The following PTPRD variants were observed in gnomAD, a reference collection of about 807,000 sequenced individuals.
PTPRD encodes receptor-type tyrosine-protein phosphatase delta.
A neutral mutation model predicts 214.5 loss-of-function variants in PTPRD; 34 were observed. That is an observed-to-expected ratio of 0.16 (90% confidence interval 0.12 to 0.21). The LOEUF (loss-of-function observed/expected upper bound fraction) is 0.21. PTPRD is among the 10% of genes least tolerant of loss of function. The pLI is 1.00. For synonymous variants in PTPRD, 1,128 were observed against 845.7 expected (o/e 1.33, Z -5.79); for missense variants, 2,545 against 2,398.7 (o/e 1.06, Z -1.27).
At chr9:10,496,759 G>T (rs912099735) in intron 2 of PTPRD, among the ~76,000 whole-genome samples, 1 of 151,990 alleles carries the variant, frequency 6.6e-6, no homozygotes, top group East Asian at 1.9e-4. Flanking sequence ...ATCTTCTTTT[G>T]AGAGGTGTGT....
rs111536701 is a variant in PTPRD, at chr9:9,070,533, G to C, written c.-142-51798C>G. ...TCAAGGGCACATTCCTTCACATTTT[G>C]CCCATTTGAAAAAAGGGGACAAAAC... On this transcript the variant is annotated intron_variant, in intron 10 of 45. Transcript: ENST00000381196. 7.3e-3 allele frequency among the ~76,000 whole-genome samples: 1,113 copies of C among 152,022 alleles called. 12 individuals carry two copies. The highest frequency in any genetic ancestry group is 0.025 in the African/African-American group (1,049 of 41,480).
chr9:8,814,459 A>C (rs908786938), intron 11 of PTPRD, among the ~76,000 whole-genome samples: 9 of 152,194 alleles, frequency 5.9e-5, no homozygotes, highest in Non-Finnish European at 1.3e-4. Context: ...GCAAACCTGA[A>C]GCTGAGACCA....
At chr9:9,208,216 G>A (rs1016464115) in intron 9 of PTPRD, among the ~76,000 whole-genome samples, 2 of 151,144 alleles carry the variant, frequency 1.3e-5, no homozygotes, top group Non-Finnish European at 2.9e-5. Flanking sequence ...GGGTTTCACC[G>A]TGTAAGCCAG....
chr9:10,354,353 A>T (rs919142102), intron 2 of PTPRD, among the ~76,000 whole-genome samples: 1 of 152,144 alleles, frequency 6.6e-6, no homozygotes, highest in East Asian at 1.9e-4. Flanking sequence ...AGCAAAATAC[A>T]TTTAGGATTT....
chr9:9,059,035 TA>T (rs1183499952), intron 10 of PTPRD, among the ~76,000 whole-genome samples: 1 of 151,852 alleles, frequency 6.6e-6, no homozygotes, highest in African/African-American at 2.4e-5. Context: ...GTCTTATACT[TA>T]GGGAGAAGAG....
At chr9:9,898,328 A>C (rs2075560288) in intron 5 of PTPRD, among the ~76,000 whole-genome samples, 1 of 152,094 alleles carries the variant, frequency 6.6e-6, no homozygotes, top group African/African-American at 2.4e-5. Context: ...CTATTTAATG[A>C]AGGAGATAGA....
At chr9:8,935,856 T>C (rs545688963) in intron 11 of PTPRD, among the ~76,000 whole-genome samples, 2 of 152,344 alleles carry the variant, frequency 1.3e-5, no homozygotes, top group South Asian at 2.1e-4. Context: ...TACAGTTTCC[T>C]TTTGGGGTTA....
At chr9:9,583,044 G>A (rs1268344590) in intron 7 of PTPRD, among the ~76,000 whole-genome samples, 1 of 151,988 alleles carries the variant, frequency 6.6e-6, no homozygotes, top group Non-Finnish European at 1.5e-5. Flanking sequence ...AAATAGTATA[G>A]GCTGGAATTT....
chr9:10,455,697 A>G (rs1252383704), intron 2 of PTPRD, among the ~76,000 whole-genome samples: 1 of 151,744 alleles, frequency 6.6e-6, no homozygotes, highest in African/African-American at 2.4e-5. Flanking sequence ...AACCAATACA[A>G]TATGTTCTCC....
intron 8 of PTPRD, among the ~76,000 whole-genome samples, chr9:9,523,027 A>T (rs1029271581): frequency 2.6e-5 from 4 of 152,216 alleles, no homozygotes; most frequent in Admixed American, 2.6e-4. Context: ...CACTATTTTT[A>T]AAAAGTGACC....
At chr9:10,327,132 GAT>G (rs1381158083) in intron 3 of PTPRD, among the ~76,000 whole-genome samples, 2 of 145,990 alleles carry the variant, frequency 1.4e-5, no homozygotes, top group South Asian at 2.1e-4. Context: ...ATATATTACA[GAT>G]ATATATGTGT....
chr9:8,541,999 C>A (rs888694384), intron 14 of PTPRD, among the ~76,000 whole-genome samples: 1 of 151,922 alleles, frequency 6.6e-6, no homozygotes, highest in Admixed American at 6.6e-5. Context: ...AATGAAATCC[C>A]TTATCTTTTG....
At chr9:9,502,951 T>C (rs1043591937) in intron 8 of PTPRD, among the ~76,000 whole-genome samples, 2 of 151,880 alleles carry the variant, frequency 1.3e-5, no homozygotes, top group Admixed American at 6.6e-5. Context: ...GGAGTTAAAG[T>C]AATCTTTCTC....
chr9:10,063,664 C>T (rs417131), intron 3 of PTPRD, among the ~76,000 whole-genome samples: 2 of 151,796 alleles, frequency 1.3e-5, no homozygotes, highest in African/African-American at 2.4e-5. Context: ...CAAATATACA[C>T]AATTTGGTAA....
chr9:9,251,197 G>C (rs930983989), intron 9 of PTPRD, among the ~76,000 whole-genome samples: 15 of 152,032 alleles, frequency 9.9e-5, no homozygotes, highest in Non-Finnish European at 1.6e-4. Context: ...CCAGGGTTGA[G>C]GTTCCATTTT....
chr9:9,582,092 T>C (rs1167440876), intron 7 of PTPRD, among the ~76,000 whole-genome samples: 2 of 152,158 alleles, frequency 1.3e-5, no homozygotes, highest in Non-Finnish European at 2.9e-5. Context: ...AAGTTTTATA[T>C]AAGTTTGAGT....
chr9:8,389,495 C>T (rs956066064), intron 36 of PTPRD, 88 bp from the exon 37 acceptor site: 1 of 960,906 alleles, frequency 1.0e-6, no homozygotes, highest in East Asian at 2.6e-5. Context: ...TGCTATCTTA[C>T]TGTTCCACCT....
chr9:10,431,796 G>C (rs1052452510), intron 2 of PTPRD, among the ~76,000 whole-genome samples: 14 of 152,202 alleles, frequency 9.2e-5, no homozygotes, highest in Admixed American at 3.3e-4. Flanking sequence ...ACAGGTGCTG[G>C]AGAGGATGTG....
chr9:8,841,557 A>G (rs2097558102), intron 11 of PTPRD, among the ~76,000 whole-genome samples: 3 of 152,198 alleles, frequency 2.0e-5, no homozygotes, highest in Admixed American at 1.3e-4. Context: ...CTACCCCAAC[A>G]GAGATCTTTT....
Sources: gnomAD v4.1 joint callset for allele counts (sites outside exome capture counted in the v4.1 genomes callset) on GRCh38, gnomAD v4.1.1 for gene constraint, MANE v1.5 for transcripts, NCBI Gene and HGNC (gene_info 2026-07-23, HGNC 2026-07-21) for gene names.